MALRD1: variants seen among roughly 807,000 people sequenced by gnomAD.
The protein encoded by MALRD1 is MAM and LDL-receptor class A domain-containing protein 1.
A neutral mutation model predicts 242.1 loss-of-function variants in MALRD1; 247 were observed. That is an observed-to-expected ratio of 1.02 (90% CI 0.92 to 1.13). MALRD1 has a LOEUF of 1.13. Among genes scored for constraint, MALRD1 ranks in the 50% most tolerant of loss-of-function variants. MALRD1 has a pLI of 0.00. For missense variants in MALRD1, 2,989 were observed against 2,533.1 expected (o/e 1.18, Z -3.86); for synonymous variants, 995 against 866.6 (o/e 1.15, Z -2.60).
At chr10:19,162,564 A>G (rs1834478542) in intron 12 of MALRD1, among the ~76,000 whole-genome samples, 1 of 152,162 alleles carries the variant, frequency 6.6e-6, no homozygotes, top group Non-Finnish European at 1.5e-5. Context: ...AGCTTGTATC[A>G]ATAACTTAAA....
chr10:19,550,607 G>C (rs1342873456), intron 32 of MALRD1, among the ~76,000 whole-genome samples: 1 of 152,076 alleles, frequency 6.6e-6, no homozygotes, highest in African/African-American at 2.4e-5. Flanking sequence ...TTGGTTTTCT[G>C]TTCCAGCATT....
intron 18 of MALRD1, among the ~76,000 whole-genome samples, chr10:19,239,604 A>G (rs1207346824): frequency 6.6e-6 from 1 of 152,104 alleles, no homozygotes; most frequent in Non-Finnish European, 1.5e-5. Flanking sequence ...CCCACATGTT[A>G]TCTCCTAGTA....
chr10:19,299,569 C>A (rs1362010800), intron 21 of MALRD1, among the ~76,000 whole-genome samples: 6 of 149,084 alleles, frequency 4.0e-5, no homozygotes, highest in Admixed American at 4.0e-4. Context: ...ACAGTATACA[C>A]AAATCAATAA....
intron 13 of MALRD1, among the ~76,000 whole-genome samples, chr10:19,167,854 C>A (rs1486741783): frequency 6.6e-6 from 1 of 152,146 alleles, no homozygotes; most frequent in African/African-American, 2.4e-5. Context: ...AGTGAACCAC[C>A]TCCCCATGAA....
In MALRD1 at chr10:19,685,893, G is replaced by A. The variant is rs144921522; in HGVS notation, c.6138-6389G>A. The stretch of plus-strand genomic sequence containing the variant: ...ACCAATCTCATGGATTAGCAATGCC[G>A]TGCGGTGATAGGTGTGGTTCTGAGC... On this transcript the variant is annotated intron_variant, in intron 36 of 39. Coordinates refer to ENST00000454679, the MANE Select transcript of MALRD1 (RefSeq NM_001142308.3). Among the ~76,000 whole-genome samples the A allele has an allele frequency of 2.6e-5, 4 of 152,248 alleles. No individual in the cohort carries two copies. The East Asian group carries it at 7.7e-4, about 29-fold the overall frequency.
chr10:19,705,804 T>TAAAAAAAAAAAAAAAAAAAAAAAAA (rs61437328), intron 38 of MALRD1, among the ~76,000 whole-genome samples: 2 of 102,902 alleles, frequency 1.9e-5, no homozygotes, highest in African/African-American at 9.5e-5. Context: ...CCTGCAATAG[T>TAAAAAAAAAAAAAAAAAAAAAAAAA]AAAAAAAAAA....
intron 38 of MALRD1, among the ~76,000 whole-genome samples, chr10:19,703,861 C>T (rs985310901): frequency 2.6e-5 from 4 of 152,040 alleles, no homozygotes; most frequent in Admixed American, 6.6e-5. Context: ...TGCCACTGCA[C>T]TCCAGTCTAG....
intron 29 of MALRD1, chr10:19,489,038 C>T (rs1470622799): frequency 2.2e-6 from 1 of 457,310 alleles, no homozygotes; most frequent in East Asian, 7.0e-5. Context: ...GTCTCAGCAG[C>T]TCGGAGGGTG....
intron 36 of MALRD1, among the ~76,000 whole-genome samples, chr10:19,680,725 A>G (rs1237729284): frequency 6.6e-5 from 10 of 152,074 alleles, no homozygotes; most frequent in Non-Finnish European, 1.5e-4. Flanking sequence ...TAGTTGCTTC[A>G]TAGTGTCATT....
intron 23 of MALRD1, among the ~76,000 whole-genome samples, 152 bp downstream of exon 23, chr10:19,327,825 C>G (rs935036329): frequency 2.0e-5 from 3 of 152,086 alleles, no homozygotes; most frequent in Non-Finnish European, 2.9e-5. Flanking sequence ...CTCCATGGAG[C>G]ATTTTACATA....
At chr10:19,326,259 C>A (rs1843132149) in intron 22 of MALRD1, among the ~76,000 whole-genome samples, 1 of 151,652 alleles carries the variant, frequency 6.6e-6, no homozygotes, top group Admixed American at 6.6e-5. Flanking sequence ...AATTATTTGC[C>A]TGGAATATTG....
chr10:19,337,067 GTGTGTATATATT>G (rs1843644884), intron 24 of MALRD1, among the ~76,000 whole-genome samples: 2 of 152,012 alleles, frequency 1.3e-5, no homozygotes, highest in East Asian at 3.9e-4. Context: ...AAAATATATT[GTGTGTATATATT>G]TGTGTATATA....
At chr10:19,475,747 G>A (rs547943697) in intron 29 of MALRD1, among the ~76,000 whole-genome samples, 4 of 152,176 alleles carry the variant, frequency 2.6e-5, no homozygotes, top group Admixed American at 6.5e-5. Context: ...CACATAAATT[G>A]AACATTATGT....
chr10:19,271,403 C>G (rs1840233230), intron 19 of MALRD1, among the ~76,000 whole-genome samples: 1 of 152,164 alleles, frequency 6.6e-6, no homozygotes, highest in Non-Finnish European at 1.5e-5. Context: ...AAGTTAAAAA[C>G]CCAAATACCA....
chr10:19,590,240 TTGG>T (rs1837693156), intron 33 of MALRD1, among the ~76,000 whole-genome samples: 1 of 149,452 alleles, frequency 6.7e-6, no homozygotes, highest in African/African-American at 2.5e-5. Context: ...CTAAGGAATA[TTGG>T]TGGTGATATA....
At chr10:19,123,416 T>C (rs1342193929) in intron 5 of MALRD1, 76 bp from the exon 6 acceptor site, 1 of 832,624 alleles carries the variant, frequency 1.2e-6, no homozygotes, top group Non-Finnish European at 1.6e-6. Context: ...GAATGAATAT[T>C]AACATTAAAG....
chr10:19,641,596 A>C (rs1840388135), intron 36 of MALRD1, among the ~76,000 whole-genome samples: 1 of 152,184 alleles, frequency 6.6e-6, no homozygotes, highest in East Asian at 1.9e-4. Flanking sequence ...CAACATATAA[A>C]TTATGGAAAA....
chr10:19,444,632 G>A (rs1277867985), intron 28 of MALRD1, among the ~76,000 whole-genome samples: 1 of 152,094 alleles, frequency 6.6e-6, no homozygotes, highest in Non-Finnish European at 1.5e-5. Flanking sequence ...GTTGAATATT[G>A]GCCCTCACTC....
intron 28 of MALRD1, among the ~76,000 whole-genome samples, chr10:19,420,821 A>G (rs1466546803): frequency 6.6e-6 from 1 of 152,200 alleles, no homozygotes; most frequent in Non-Finnish European, 1.5e-5. Flanking sequence ...AGAGGCTCAC[A>G]GCCTCCCTCA....
Sources: gnomAD v4.1 joint callset for allele counts (sites outside exome capture counted in the v4.1 genomes callset) on GRCh38, gnomAD v4.1.1 for gene constraint, MANE v1.5 for transcripts, NCBI Gene and HGNC (gene_info 2026-07-23, HGNC 2026-07-21) for gene names.